Variants in CPS1 observed in about 807,000 individuals in gnomAD.
CPS1 encodes carbamoyl-phosphate synthase 1.
In CPS1, 109 loss-of-function variants were observed where a neutral mutation model predicts 174.6. That is an observed-to-expected ratio of 0.62 (90% CI 0.53 to 0.73). CPS1 has a LOEUF of 0.73. Among genes scored for constraint, CPS1 ranks in the 30% least tolerant of loss-of-function variants. The probability of loss-of-function intolerance (pLI) is 0.00; values close to 1 mark genes in which losing one functional copy is unlikely to be tolerated. For synonymous variants in CPS1, 637 were observed against 632.0 expected, an observed-to-expected ratio of 1.01 and a Z score of -0.12; for missense variants, 1,689 against 1,821.9, an observed-to-expected ratio of 0.93 and a Z score of 1.33.
chr2:210,593,274 C>A, intron 11 of CPS1: 1 of 892,966 alleles, frequency 1.1e-6, no homozygotes, highest in Non-Finnish European at 1.5e-6. Flanking sequence ...CCCTTTTGCT[C>A]TCTCTCGTTC....
rs866057490 is a variant in CPS1 at position 210,512,879 on chromosome 2, G to T, written c.3+35113G>T. On this transcript the variant is annotated intron_variant, in intron 1 of 38. Coordinates refer to the CPS1 transcript ENST00000430249. ...ATATATATAGATATATATATATAGA[G>T]ATATATATATGGAGATATATATATA... Among the ~76,000 whole-genome samples the T allele has an allele frequency of 2.1e-4, 15 of 70,324 alleles. 1 individual carries two copies. The highest frequency in any genetic ancestry group is 2.8e-4 in the African/African-American group (4 of 14,202). The allele number at this position is 70,324 out of a possible 152,430, so 46.1% of individuals were successfully genotyped here.
chr2:210,605,355 A>G, intron 17 of CPS1, 109 bp downstream of exon 17: 1 of 1,182,908 alleles, frequency 8.5e-7, no homozygotes, highest in African/African-American at 1.5e-5. Flanking sequence ...TCTAGTTGAC[A>G]GACTAGTGAT....
At chr2:210,506,393 T>C (rs183554520) in intron 1 of CPS1, among the ~76,000 whole-genome samples, 120 of 152,032 alleles carry the variant, frequency 7.9e-4, no homozygotes, top group African/African-American at 2.8e-3. Flanking sequence ...TATGTCACCA[T>C]CATCAAAGAC....
intron 1 of CPS1, among the ~76,000 whole-genome samples, chr2:210,529,628 C>A (rs1559063584): frequency 6.6e-6 from 1 of 151,880 alleles, no homozygotes; most frequent in Non-Finnish European, 1.5e-5. Flanking sequence ...GATAGCATCC[C>A]AGAATATTTT....
intron 29 of CPS1, among the ~76,000 whole-genome samples, chr2:210,655,890 G>T (rs1182746810): frequency 6.6e-6 from 1 of 152,068 alleles, no homozygotes; most frequent in East Asian, 1.9e-4. Context: ...TAACATATAG[G>T]TTATAGTGAT....
intron 1 of CPS1, among the ~76,000 whole-genome samples, chr2:210,533,109 T>C (rs1380278762): frequency 6.6e-6 from 1 of 152,096 alleles, no homozygotes; most frequent in Non-Finnish European, 1.5e-5. Context: ...AGTGTGACCA[T>C]GAAGGACAGG....
chr2:210,639,384 G>A lies in CPS1; in HGVS notation c.2895+169G>A, dbSNP rs1262920031. ...TCCCAGCACTTTGGGAGGCCGAGGC[G>A]GGTGGATCATGAGGTCAGGAGATCG... On this transcript the variant is annotated intron_variant, in intron 23 of 37. Coordinates refer to ENST00000233072, the MANE Select transcript of CPS1 (RefSeq NM_001875.5). Among the ~76,000 whole-genome samples, 2 of 151,316 alleles carry A rather than the reference G, an allele frequency of 1.3e-5. No individual in the cohort carries two copies. The highest frequency in any genetic ancestry group is 2.0e-4 in the East Asian group (1 of 5,114).
At chr2:210,557,041 T>C (rs1696935207) in intron 1 of CPS1, among the ~76,000 whole-genome samples, 182 bp downstream of exon 1, 1 of 152,100 alleles carries the variant, frequency 6.6e-6, no homozygotes, top group Admixed American at 6.6e-5. Flanking sequence ...CTTATCTGAG[T>C]AACATGACAG....
At chr2:210,566,287 G>A (rs1344191430) in intron 1 of CPS1, among the ~76,000 whole-genome samples, 1 of 152,150 alleles carries the variant, frequency 6.6e-6, no homozygotes, top group East Asian at 1.9e-4. Context: ...AGGGGGGACT[G>A]AGAGGTGGAT....
intron 31 of CPS1, 42 bp downstream of exon 31, chr2:210,658,730 T>C (rs372506143): frequency 7.1e-7 from 1 of 1,417,600 alleles, no homozygotes; most frequent in African/African-American, 1.4e-5. Context: ...CACCACTGTG[T>C]TACGTCATGT....
At chr2:210,520,479 A>G (rs1640382948) in intron 1 of CPS1, among the ~76,000 whole-genome samples, 2 of 151,886 alleles carry the variant, frequency 1.3e-5, no homozygotes, top group African/African-American at 4.8e-5. Context: ...CCACCTCACG[A>G]TGGGCCCCAG....
intron 1 of CPS1, among the ~76,000 whole-genome samples, chr2:210,536,814 GA>G (rs935694958): frequency 6.6e-6 from 1 of 152,140 alleles, no homozygotes; most frequent in Non-Finnish European, 1.5e-5. Flanking sequence ...GAGTAAGAGA[GA>G]AAGAGCGTAA....
chr2:210,578,107 A>T (rs1362560915), intron 4 of CPS1, among the ~76,000 whole-genome samples: 2 of 151,902 alleles, frequency 1.3e-5, no homozygotes, highest in Non-Finnish European at 2.9e-5. Flanking sequence ...TTTAAATATT[A>T]ATTTCTTTTC....
chr2:210,673,917 A>G (rs550664199), intron 34 of CPS1: 1 of 152,286 alleles, frequency 6.6e-6, no homozygotes, highest in Non-Finnish European at 1.5e-5. Flanking sequence ...AAATACTACT[A>G]TTGTCATCAC....
intron 6 of CPS1, among the ~76,000 whole-genome samples, chr2:210,586,834 T>C (rs1698127410): frequency 6.6e-6 from 1 of 152,068 alleles, no homozygotes; most frequent in South Asian, 2.1e-4. Flanking sequence ...TATCAGGAGA[T>C]TACATATATT....
In CPS1 at chr2:210,523,768, T is replaced by G. The variant is rs147073278; in HGVS notation, c.4-32951T>G. 4.8e-3 allele frequency among the ~76,000 whole-genome samples: 724 copies of G among 152,144 alleles called. 3 individuals carry two copies. The highest frequency in any genetic ancestry group is 0.016 in the African/African-American group (680 of 41,548). On this transcript the variant is annotated intron_variant, in intron 1 of 38. Coordinates refer to the CPS1 transcript ENST00000430249. ...GTTCATGCAGGCACATATAAAGTGCTTGGCATTATTTCCTGCAGTGGGTGT... is the reference window on the plus strand; with the variant it reads ...GTTCATGCAGGCACATATAAAGTGCGTGGCATTATTTCCTGCAGTGGGTGT...
chr2:210,614,506 A>C lies in CPS1; in HGVS notation c.2569-1917A>C, dbSNP rs1265810663. Among the ~76,000 whole-genome samples the C allele has an allele frequency of 1.3e-5, 2 of 151,550 alleles. 1 individual carries two copies. The highest frequency in any genetic ancestry group is 3.9e-4 in the East Asian group (2 of 5,122). On this transcript the variant is annotated intron_variant, in intron 20 of 37. Coordinates refer to ENST00000233072, the MANE Select transcript of CPS1 (RefSeq NM_001875.5). Reference sequence around the variant, plus strand: ...TTTCACAGTGGTTGAACTAATTTACACTCCCACCAGCTGTGTAAAAGTATT... The same window carrying C: ...TTTCACAGTGGTTGAACTAATTTACCCTCCCACCAGCTGTGTAAAAGTATT...
upstream of CPS1, among the ~76,000 whole-genome samples, chr2:210,555,293 T>G (rs2106034327): frequency 6.6e-6 from 1 of 152,190 alleles, no homozygotes; most frequent in Middle Eastern, 3.4e-3. Flanking sequence ...CTCAACATAA[T>G]TCTATGCTTA....
At chr2:210,479,540 G>A (rs1694506347) in intron 1 of CPS1, among the ~76,000 whole-genome samples, 1 of 152,100 alleles carries the variant, frequency 6.6e-6, no homozygotes, top group South Asian at 2.1e-4. Flanking sequence ...TGTTGGCCAG[G>A]CTGGTCTTGA....
Sources: gnomAD v4.1 joint callset for allele counts (sites outside exome capture counted in the v4.1 genomes callset) on GRCh38, gnomAD v4.1.1 for gene constraint, MANE v1.5 for transcripts, NCBI Gene and HGNC (gene_info 2026-07-23, HGNC 2026-07-21) for gene names.